Variants in BCAS3 observed in about 807,000 individuals in gnomAD.
The protein encoded by BCAS3 is BCAS3 microtubule associated cell migration factor.
Under a neutral mutation model 116.1 loss-of-function variants are expected in BCAS3, and 53 were observed. That is an observed-to-expected ratio of 0.46 (90% CI 0.37 to 0.57). BCAS3 has a LOEUF of 0.57. Ranked by LOEUF, BCAS3 falls within the 20% of genes least tolerant of loss-of-function variation. The pLI is 0.00. For synonymous variants in BCAS3, 391 were observed against 408.2 expected (o/e 0.96, Z 0.51); for missense variants, 917 against 1,165.4 (o/e 0.79, Z 3.10).
intron 22 of BCAS3, among the ~76,000 whole-genome samples, chr17:61,197,352 G>A (rs961947914): frequency 6.6e-6 from 1 of 152,158 alleles, no homozygotes; most frequent in African/African-American, 2.4e-5. Context: ...TTTGCTTAAG[G>A]AAAAGCTTAC....
In BCAS3 at chr17:60,889,738, T is replaced by C; in HGVS notation, c.705T>C (p.Leu235=). 6.2e-7 allele frequency: 1 copy of C among 1,613,372 alleles called. No homozygotes were observed. The highest frequency in any genetic ancestry group is 8.5e-7 in the Non-Finnish European group (1 of 1,179,952). ...GGCCAAACATGAATCCTATTGCTCT[T>C]GGGAGCCGCTGGCTTGCTTATGCAG... ...CPGPNMNPIA[L]GSRWLAYAEN... Residue 235 remains leucine, a synonymous_variant, in exon 10 of 24, where the codon CTT becomes CTC. Coordinates refer to ENST00000407086, the MANE Select transcript of BCAS3 (RefSeq NM_017679.5).
intron 22 of BCAS3, among the ~76,000 whole-genome samples, chr17:61,357,448 AT>A (rs922368627): frequency 7.6e-5 from 11 of 144,008 alleles, no homozygotes; most frequent in Admixed American, 1.4e-4. Flanking sequence ...AAAAATTTTT[AT>A]TTTTTTTTTT....
At chr17:60,846,461 T>A (rs964942821) in intron 7 of BCAS3, among the ~76,000 whole-genome samples, 1 of 152,210 alleles carries the variant, frequency 6.6e-6, no homozygotes, top group Non-Finnish European at 1.5e-5. Flanking sequence ...TCCTGTTAGC[T>A]GATGGCGTTT....
intron 22 of BCAS3, among the ~76,000 whole-genome samples, chr17:61,351,443 C>T (rs757062796): frequency 1.3e-5 from 2 of 152,168 alleles, no homozygotes; most frequent in Non-Finnish European, 2.9e-5. Context: ...TCAGATTCCA[C>T]GTTCGATTTT....
chr17:61,101,239 A>G (rs1009389937), intron 22 of BCAS3, among the ~76,000 whole-genome samples: 1 of 152,090 alleles, frequency 6.6e-6, no homozygotes, highest in African/African-American at 2.4e-5. Context: ...CCTGCATCTC[A>G]CAGATACTTA....
Position 61,258,299 on chromosome 17 carries a change from TAA to T in BCAS3, c.2426-110026_2426-110025del, listed in dbSNP as rs1431411096. 2.6e-5 allele frequency among the ~76,000 whole-genome samples: 4 copies of T among 152,254 alleles called. No individual in the cohort carries two copies. Among genetic ancestry groups the T allele is most frequent in the Admixed American group, 2.6e-4 (4 of 15,288 alleles). ...CTTTATTTTCTTTCCTATCAGACTTTAAATTCATTGTGGAAAGGGGTTGTTAC... is the reference window on the plus strand; with the variant it reads ...CTTTATTTTCTTTCCTATCAGACTTTATTCATTGTGGAAAGGGGTTGTTAC... On this transcript the variant is annotated intron_variant, in intron 22 of 23. Transcript: ENST00000407086. This position sits in a 1 kb window ranked among gnomAD's most constrained non-coding sequence, Gnocchi z 4.7.
chr17:60,984,562 T>C (rs935196656), intron 14 of BCAS3, among the ~76,000 whole-genome samples: 1 of 152,104 alleles, frequency 6.6e-6, no homozygotes, highest in African/African-American at 2.4e-5. Flanking sequence ...AGGCATATAG[T>C]ACATAATAAT....
rs1242121021 is a variant in BCAS3, at chr17:61,219,436, T to C, written c.2425+134872T>C. On this transcript the variant is annotated intron_variant, in intron 22 of 23. Transcript: ENST00000407086. This position sits in a 1 kb window ranked among gnomAD's most constrained non-coding sequence, Gnocchi z 5.2. Reference sequence around the variant, plus strand: ...AGGTGGCCCATTGACTTGGTCTCTGTGTGCCCATATTACTGGTGCTGCCAG... The same window carrying C: ...AGGTGGCCCATTGACTTGGTCTCTGCGTGCCCATATTACTGGTGCTGCCAG... Among the ~76,000 whole-genome samples the C allele has an allele frequency of 6.6e-6, 1 of 152,216 alleles. No individual in the cohort carries two copies. Among genetic ancestry groups the C allele is most frequent in the Non-Finnish European group, 1.5e-5 (1 of 68,036 alleles).
chr17:60,705,704 A>G (rs913938632), intron 4 of BCAS3, among the ~76,000 whole-genome samples: 1 of 152,124 alleles, frequency 6.6e-6, no homozygotes, highest in Non-Finnish European at 1.5e-5. Flanking sequence ...GATGAGGAAG[A>G]AGATGTAGAG....
chr17:61,015,961 A>T (rs1230013777), intron 16 of BCAS3, 60 bp downstream of exon 16: 3 of 1,493,770 alleles, frequency 2.0e-6, no homozygotes, highest in Non-Finnish European at 2.8e-6. Context: ...ATGAATAAAA[A>T]TAAAACATAC....
rs1217944734 is a variant in BCAS3, at chr17:61,365,975, T to C, written c.2426-2352T>C. On this transcript the variant is annotated intron_variant, in intron 22 of 23. Coordinates refer to ENST00000407086, the MANE Select transcript of BCAS3 (RefSeq NM_017679.5). The surrounding 1 kb of genome is among the most constrained non-coding windows in gnomAD (Gnocchi z 4.6). Reference sequence around the variant, plus strand: ...CTGGCCTACATGGTGAAACCCCGTCTCTACTAAAAACACAAAAATTAGCCA... The same window carrying C: ...CTGGCCTACATGGTGAAACCCCGTCCCTACTAAAAACACAAAAATTAGCCA... 3.3e-5 allele frequency among the ~76,000 whole-genome samples: 5 copies of C among 151,974 alleles called. No homozygotes were observed. Among genetic ancestry groups the C allele is most frequent in the African/African-American group, 1.2e-4 (5 of 41,380 alleles).
intron 7 of BCAS3, among the ~76,000 whole-genome samples, chr17:60,817,173 G>A (rs1033245174): frequency 1.3e-5 from 2 of 152,154 alleles, no homozygotes; most frequent in African/African-American, 4.8e-5. Flanking sequence ...AGGTATTCTA[G>A]TGTTTTGTTT....
intron 7 of BCAS3, among the ~76,000 whole-genome samples, chr17:60,825,161 G>C (rs1342195088): frequency 2.1e-5 from 3 of 144,044 alleles, no homozygotes; most frequent in African/African-American, 7.9e-5. Context: ...CTGAGAACCT[G>C]TCTCAAAAAA....
At chr17:60,771,583 G>T (rs2044710568) in intron 6 of BCAS3, among the ~76,000 whole-genome samples, 1 of 152,014 alleles carries the variant, frequency 6.6e-6, no homozygotes, top group African/African-American at 2.4e-5. Context: ...TTAAATTCTA[G>T]GGTATATGTG....
chr17:61,098,383 T>G lies in BCAS3; in HGVS notation c.2425+13819T>G, dbSNP rs1205272030. 2.6e-5 allele frequency among the ~76,000 whole-genome samples: 4 copies of G among 152,286 alleles called. No homozygotes were observed. In the East Asian group the frequency reaches 7.7e-4, roughly 29 times the overall value. On this transcript the variant is annotated intron_variant, in intron 22 of 23. Transcript: ENST00000407086. The surrounding 1 kb of genome is among the most constrained non-coding windows in gnomAD (Gnocchi z 4.2). ...GATATTATAGGATTAGAACATTGTA[T>G]TTTTGGTTTTGGGTGCTGAAGTTCT...
At position 61,126,968 on chromosome 17, in the gene BCAS3, T is replaced by C. The variant is rs188691231; in HGVS notation, c.2425+42404T>C. ...GCGGGTAGTAGAACGCCCAAGGTTA[T>C]ACACCCTTCGTCACAGGCACTTAAG... On this transcript the variant is annotated intron_variant, in intron 22 of 23. Transcript: ENST00000407086. This position sits in a 1 kb window ranked among gnomAD's most constrained non-coding sequence, Gnocchi z 4.6. Among the ~76,000 whole-genome samples the C allele has an allele frequency of 2.0e-5, 3 of 152,280 alleles. No individual in the cohort carries two copies. The highest frequency in any genetic ancestry group is 1.9e-4 in the East Asian group (1 of 5,184).
intron 10 of BCAS3, among the ~76,000 whole-genome samples, chr17:60,901,335 T>A (rs1599557870): frequency 3.3e-5 from 5 of 152,324 alleles, no homozygotes; most frequent in African/African-American, 9.6e-5. Flanking sequence ...TTCTTGCTTA[T>A]GCAGCAGGAG....
chr17:60,980,173 A>C (rs569788750), intron 14 of BCAS3, among the ~76,000 whole-genome samples: 15 of 152,206 alleles, frequency 9.9e-5, no homozygotes, highest in South Asian at 2.1e-4. Flanking sequence ...ACAATTTCAG[A>C]TCCTGTTATT....
At chr17:60,895,644 T>C (rs1190554706) in intron 10 of BCAS3, among the ~76,000 whole-genome samples, 2 of 152,142 alleles carry the variant, frequency 1.3e-5, no homozygotes, top group African/African-American at 4.8e-5. Flanking sequence ...GATTGTTAAT[T>C]TGTAATCTTT....
Sources: gnomAD v4.1 joint callset for allele counts (sites outside exome capture counted in the v4.1 genomes callset) on GRCh38, gnomAD v4.1.1 for gene constraint, Gnocchi (gnomAD v3.1) non-coding constraint, MANE v1.5 for transcripts, NCBI Gene and HGNC (gene_info 2026-07-23, HGNC 2026-07-21) for gene names.